Variants in MDGA2 observed in about 807,000 individuals in gnomAD.
MDGA2 encodes the protein MAM domain-containing glycosylphosphatidylinositol anchor protein 2.
Under a neutral mutation model 117.8 loss-of-function variants are expected in MDGA2, and 40 were observed. The observed-to-expected ratio is 0.34, with a 90% CI of 0.26 to 0.44. The LOEUF is 0.44. Ranked by LOEUF, MDGA2 falls within the 20% of genes least tolerant of loss-of-function variation. MDGA2 has a pLI of 1.00. For missense variants in MDGA2, 1,123 were observed against 1,250.6 expected, an observed-to-expected ratio of 0.90 and a Z score of 1.54; for synonymous variants, 452 against 439.0, an observed-to-expected ratio of 1.03 and a Z score of -0.37.
intron 6 of MDGA2, among the ~76,000 whole-genome samples, chr14:47,072,126 T>A (rs1890313769): frequency 6.9e-6 from 1 of 144,016 alleles, no homozygotes; most frequent in Non-Finnish European, 1.5e-5. Context: ...TTGCAGGTAT[T>A]ATATGTTGCA....
At chr14:47,139,663 G>T (rs745584614) in intron 4 of MDGA2, among the ~76,000 whole-genome samples, 4 of 150,808 alleles carry the variant, frequency 2.7e-5, no homozygotes, top group Non-Finnish European at 4.4e-5. Context: ...TAACATAAAA[G>T]TTTTTTTCAT....
chr14:47,242,288 C>T lies in MDGA2; in HGVS notation c.421-24093G>A, dbSNP rs186138315. ...GAGAGGTGACAGCGTGCTGGCAGTC[C>T]TCAGAGCCCTCGCTTGCTCTCAGCA... On this transcript the variant is annotated intron_variant, in intron 2 of 16. Coordinates refer to ENST00000399232, the MANE Select transcript of MDGA2 (RefSeq NM_001113498.3). 4.7e-3 allele frequency among the ~76,000 whole-genome samples: 714 copies of T among 152,072 alleles called. 18 individuals carry two copies. The highest frequency in any genetic ancestry group is 0.014 in the Middle Eastern group (4 of 294).
intron 1 of MDGA2, among the ~76,000 whole-genome samples, chr14:47,505,821 T>C (rs997968984): frequency 2.0e-5 from 3 of 152,342 alleles, no homozygotes; most frequent in African/African-American, 7.2e-5. Flanking sequence ...ATATATCCAT[T>C]ATGAGTCTTG....
chr14:47,522,666 A>C (rs1197741845), intron 1 of MDGA2, among the ~76,000 whole-genome samples: 1 of 152,250 alleles, frequency 6.6e-6, no homozygotes, highest in African/African-American at 2.4e-5. Flanking sequence ...CAAATGTAAT[A>C]GATAAAATAA....
chr14:47,353,867 G>A (rs975100617), intron 1 of MDGA2, among the ~76,000 whole-genome samples: 1 of 151,994 alleles, frequency 6.6e-6, no homozygotes, highest in African/African-American at 2.4e-5. Flanking sequence ...AAAACTACAG[G>A]CCAATATTAC....
chr14:47,104,940 T>G (rs1428009375), intron 5 of MDGA2, among the ~76,000 whole-genome samples: 1 of 152,094 alleles, frequency 6.6e-6, no homozygotes, highest in Non-Finnish European at 1.5e-5. Context: ...TTAATTTCAA[T>G]TCCTTTCATT....
intron 1 of MDGA2, among the ~76,000 whole-genome samples, chr14:47,384,069 T>A (rs943453939): frequency 6.6e-6 from 1 of 152,066 alleles, no homozygotes; most frequent in Non-Finnish European, 1.5e-5. Flanking sequence ...CCATATTGGT[T>A]AGTAACTAAT....
intron 1 of MDGA2, among the ~76,000 whole-genome samples, chr14:47,430,804 G>A (rs141584083): frequency 6.6e-6 from 1 of 152,146 alleles, no homozygotes; most frequent in African/African-American, 2.4e-5. Context: ...CCAAGTATAA[G>A]AATTATCTAA....
At chr14:47,631,879 C>T (rs899658805) in intron 1 of MDGA2, among the ~76,000 whole-genome samples, 1 of 151,968 alleles carries the variant, frequency 6.6e-6, no homozygotes, top group African/African-American at 2.4e-5. Flanking sequence ...CTTTGAATGC[C>T]GCCCATCACA....
At chr14:47,398,246 A>G (rs1302770732) in intron 1 of MDGA2, among the ~76,000 whole-genome samples, 3 of 152,174 alleles carry the variant, frequency 2.0e-5, no homozygotes, top group African/African-American at 7.2e-5. Context: ...CAGGTTACTT[A>G]TAACTCAAAA....
intron 10 of MDGA2, among the ~76,000 whole-genome samples, chr14:46,896,727 A>G (rs1883091684): frequency 6.6e-6 from 1 of 152,134 alleles, no homozygotes; most frequent in Non-Finnish European, 1.5e-5. Flanking sequence ...CTGAAATACA[A>G]TATTGTATTT....
intron 3 of MDGA2, among the ~76,000 whole-genome samples, chr14:47,198,428 C>T (rs1315657627): frequency 3.3e-5 from 5 of 152,034 alleles, no homozygotes; most frequent in East Asian, 3.9e-4. Context: ...AAAAATTAAC[C>T]GGGCTTGGTG....
At chr14:47,571,113 C>A (rs569386807) in intron 1 of MDGA2, among the ~76,000 whole-genome samples, 4 of 152,274 alleles carry the variant, frequency 2.6e-5, no homozygotes, top group African/African-American at 9.6e-5. Context: ...ACAGGCACTT[C>A]TCAAAAGAAG....
At chr14:47,424,976 G>T (rs1892655731) in intron 1 of MDGA2, among the ~76,000 whole-genome samples, 1 of 152,282 alleles carries the variant, frequency 6.6e-6, no homozygotes, top group East Asian at 1.9e-4. Context: ...AAAGGTGGGG[G>T]ATGATGAAAA....
chr14:46,983,729 A>C lies in MDGA2; in HGVS notation c.1820-26086T>G, dbSNP rs17117872. On this transcript the variant is annotated intron_variant, in intron 8 of 16. Transcript: ENST00000399232. ...TTGGCACTTCACACATTAAAAGAGA[A>C]TAGTTTCAGCTGTGTGGTAACTTTT... 7.0e-3 allele frequency among the ~76,000 whole-genome samples: 1,066 copies of C among 152,154 alleles called. 11 individuals carry two copies. The highest frequency in any genetic ancestry group is 0.023 in the African/African-American group (973 of 41,536).
At chr14:47,506,708 A>G (rs1166828274) in intron 1 of MDGA2, among the ~76,000 whole-genome samples, 1 of 152,330 alleles carries the variant, frequency 6.6e-6, no homozygotes, top group Non-Finnish European at 1.5e-5. Flanking sequence ...GGAATTTCCA[A>G]CACTTAGTAT....
chr14:47,368,096 A>G (rs1891269203), intron 1 of MDGA2, among the ~76,000 whole-genome samples: 1 of 151,978 alleles, frequency 6.6e-6, no homozygotes, highest in Non-Finnish European at 1.5e-5. Context: ...CCTGGCCAAC[A>G]TGGTGAAACC....
intron 6 of MDGA2, among the ~76,000 whole-genome samples, chr14:47,062,573 C>T (rs892299032): frequency 6.6e-6 from 1 of 151,244 alleles, no homozygotes; most frequent in East Asian, 1.9e-4. Context: ...CAAAATGTGG[C>T]ATACACAGTG....
rs111860202 is a variant in MDGA2 at position 46,874,836 on chromosome 14, C to T, written c.2438-636G>A. On this transcript the variant is annotated intron_variant, in intron 12 of 16. Transcript: ENST00000399232. ...TTGAAGGACTGTGATTTCTCGGATG[C>T]CTAACGTATGTTGAGTTCAGGGCCA... is the stretch of plus-strand genomic sequence containing the variant. 7.9e-5 allele frequency among the ~76,000 whole-genome samples: 12 copies of T among 151,340 alleles called. 1 individual carries two copies. Among genetic ancestry groups the T allele is most frequent in the African/African-American group, 2.2e-4 (9 of 41,338 alleles).
Sources: gnomAD v4.1 joint callset for allele counts (sites outside exome capture counted in the v4.1 genomes callset) on GRCh38, gnomAD v4.1.1 for gene constraint, MANE v1.5 for transcripts, NCBI Gene and HGNC (gene_info 2026-07-23, HGNC 2026-07-21) for gene names.